The following GABRA1 variants were observed in gnomAD, a reference collection of about 807,000 sequenced individuals.
The protein encoded by GABRA1 is gamma-aminobutyric acid receptor subunit alpha-1.
A neutral mutation model predicts 48.9 loss-of-function variants in GABRA1; 9 were observed. The observed-to-expected ratio is 0.18, with a 90% CI of 0.11 to 0.32. The LOEUF (loss-of-function observed/expected upper bound fraction) is 0.32, where lower values mean the gene tolerates loss of function less well. Among genes scored for constraint, GABRA1 ranks in the 10% least tolerant of loss-of-function variants. GABRA1 has a pLI of 1.00. For missense variants in GABRA1, 285 were observed against 553.8 expected (o/e 0.51, Z 4.87); for synonymous variants, 210 against 198.7 (o/e 1.06, Z -0.48).
rs199506582 is a variant in GABRA1 at position 161,882,725 on chromosome 5, G to T, written c.703+24G>T. 1,531 of 1,600,430 alleles carry T rather than the reference G, an allele frequency of 9.6e-4. 2 individuals carry two copies. Among genetic ancestry groups the T allele is most frequent in the Non-Finnish European group, 1.2e-3 (1,366 of 1,167,858 alleles). ...AGGTAAGTACGATTTTGTTACTTCAGTTATGGAGGAAGAAGAAGAATAATA... is the reference window on the plus strand; with the variant it reads ...AGGTAAGTACGATTTTGTTACTTCATTTATGGAGGAAGAAGAAGAATAATA... On this transcript the variant is annotated intron_variant, in intron 7 of 9. Transcript: ENST00000393943.
intron 6 of GABRA1, chr5:161,882,224 C>G (rs762842142): frequency 2.8e-6 from 1 of 357,536 alleles, no homozygotes; most frequent in Admixed American, 4.0e-5. Context: ...AAATTACATA[C>G]GTATTTGCTT....
intron 3 of GABRA1, among the ~76,000 whole-genome samples, chr5:161,856,984 G>A (rs1192131851): frequency 6.6e-6 from 1 of 150,730 alleles, no homozygotes; most frequent in Non-Finnish European, 1.5e-5. Context: ...TGAATTTTTG[G>A]TACTTTAAGT....
intron 3 of GABRA1, among the ~76,000 whole-genome samples, chr5:161,860,152 C>T (rs182117383): frequency 1.8e-4 from 28 of 151,962 alleles, no homozygotes; most frequent in African/African-American, 6.3e-4. Context: ...TTAACATTTA[C>T]TGGCTGAGGT....
At chr5:161,866,710 AT>A (rs1753872686) in intron 4 of GABRA1, among the ~76,000 whole-genome samples, 1 of 152,080 alleles carries the variant, frequency 6.6e-6, no homozygotes, top group Non-Finnish European at 1.5e-5. Context: ...TCACAATTGT[AT>A]TTGCCCAAGA....
At chr5:161,882,928 C>G (rs967003342) in intron 7 of GABRA1, among the ~76,000 whole-genome samples, 2 of 152,154 alleles carry the variant, frequency 1.3e-5, no homozygotes, top group African/African-American at 4.8e-5. Flanking sequence ...AATTGAGAAA[C>G]TGGCTATAAG....
intron 6 of GABRA1, among the ~76,000 whole-genome samples, chr5:161,876,223 G>A (rs1399557047): frequency 1.3e-5 from 2 of 151,718 alleles, no homozygotes; most frequent in African/African-American, 2.4e-5. Context: ...AAGTATCCTG[G>A]ATAAATGCCC....
chr5:161,887,415 T>C (rs1455441898), intron 7 of GABRA1, among the ~76,000 whole-genome samples: 2 of 151,842 alleles, frequency 1.3e-5, no homozygotes, highest in Non-Finnish European at 2.9e-5. Context: ...TCCAGAGAAA[T>C]AATTATAACT....
chr5:161,860,968 C>T (rs1757834272), intron 3 of GABRA1, among the ~76,000 whole-genome samples: 1 of 151,474 alleles, frequency 6.6e-6, no homozygotes, highest in South Asian at 2.1e-4. Context: ...TAGATCATTC[C>T]TTTTTTTTCT....
intron 7 of GABRA1, among the ~76,000 whole-genome samples, chr5:161,884,573 G>T (rs1032196902): frequency 6.6e-6 from 1 of 152,022 alleles, no homozygotes; most frequent in East Asian, 1.9e-4. Flanking sequence ...ATTGTTGCAG[G>T]AATTGATTTT....
chr5:161,893,078 A>T (rs1755193725), intron 8 of GABRA1, among the ~76,000 whole-genome samples: 1 of 150,128 alleles, frequency 6.7e-6, no homozygotes, highest in East Asian at 1.9e-4. Flanking sequence ...TTTATGTTTT[A>T]TTTTATTTTT....
At chr5:161,858,522 C>T (rs1445481182) in intron 3 of GABRA1, among the ~76,000 whole-genome samples, 1 of 151,706 alleles carries the variant, frequency 6.6e-6, no homozygotes. Flanking sequence ...GCCAAAATCC[C>T]AGGTGAGCCA....
In GABRA1 at chr5:161,898,862, A is replaced by G. The variant is rs917740881; in HGVS notation, c.*1440A>G. The G allele has an allele frequency of 6.6e-6, 1 of 152,600 alleles. No individual in the cohort carries two copies. Among genetic ancestry groups the G allele is most frequent in the Non-Finnish European group, 1.5e-5 (1 of 67,992 alleles). The allele number at this position is 152,600 out of a possible 1,614,324, so 9.5% of individuals were successfully genotyped here. On this transcript the variant is annotated 3_prime_UTR_variant, in exon 10 of 10. Coordinates refer to ENST00000393943, the MANE Select transcript of GABRA1 (RefSeq NM_001127644.2). ...ATAAAATACATAAAAGAATGTACAG[A>G]AAATAGCTTTTATTGAGTAATATTA...
chr5:161,856,989 T>C (rs1397348057), intron 3 of GABRA1, among the ~76,000 whole-genome samples: 1 of 151,246 alleles, frequency 6.6e-6, no homozygotes, highest in Non-Finnish European at 1.5e-5. Flanking sequence ...TTTTGGTACT[T>C]TAAGTATGAC....
At chr5:161,849,183 T>C (rs1757342001) in intron 1 of GABRA1, 1 of 255,378 alleles carries the variant, frequency 3.9e-6, no homozygotes, top group Middle Eastern at 4.9e-4. Flanking sequence ...TTTGTTTTTC[T>C]CTTTTAAAAA....
chr5:161,881,415 T>C (rs1252210406), intron 6 of GABRA1, among the ~76,000 whole-genome samples: 1 of 152,134 alleles, frequency 6.6e-6, no homozygotes, highest in African/African-American at 2.4e-5. Context: ...CTCTAAACTG[T>C]GTAAATTATC....
In GABRA1 at chr5:161,854,197, T is replaced by C. The variant is rs543190682; in HGVS notation, c.114T>C (p.Asn38=). ...CATTACAAGATGAACTTAAAGACAA[T>C]ACCACTGTCTTCACCAGGATTTTGG... ...QPSLQDELKD[N]TTVFTRILDR... The change falls in exon 3 of 10, where the codon AAT becomes AAC. Residue 38 remains asparagine, a synonymous_variant. Coordinates refer to ENST00000393943, the MANE Select transcript of GABRA1 (RefSeq NM_001127644.2). The C allele has an allele frequency of 4.3e-6, 7 of 1,609,632 alleles. No homozygotes were observed. The highest frequency in any genetic ancestry group is 6.0e-6 in the Non-Finnish European group (7 of 1,176,298).
intron 8 of GABRA1, among the ~76,000 whole-genome samples, chr5:161,891,482 A>G (rs1014331646): frequency 6.6e-6 from 1 of 152,174 alleles, no homozygotes; most frequent in Non-Finnish European, 1.5e-5. Flanking sequence ...GGGAGAGCCA[A>G]TTAATGACCA....
At chr5:161,873,827 C>T (rs1561575893) in intron 5 of GABRA1, among the ~76,000 whole-genome samples, 1 of 152,104 alleles carries the variant, frequency 6.6e-6, no homozygotes, top group Non-Finnish European at 1.5e-5. Context: ...AATATAGATA[C>T]TATTAATTTT....
chr5:161,870,294 G>T (rs1389712261), intron 4 of GABRA1, among the ~76,000 whole-genome samples: 2 of 152,068 alleles, frequency 1.3e-5, no homozygotes, highest in South Asian at 2.1e-4. Context: ...AGGCACAGTG[G>T]ATCACTCCTA....
Sources: gnomAD v4.1 joint callset for allele counts (sites outside exome capture counted in the v4.1 genomes callset) on GRCh38, gnomAD v4.1.1 for gene constraint, MANE v1.5 for transcripts, NCBI Gene and HGNC (gene_info 2026-07-23, HGNC 2026-07-21) for gene names.